The following HPSE2 variants were observed in gnomAD, a reference collection of about 807,000 sequenced individuals.
The protein encoded by HPSE2 is inactive heparanase-2.
In HPSE2, 38 loss-of-function variants were observed where a neutral mutation model predicts 60.5. The ratio of observed to expected loss-of-function variants is 0.63; its 90% CI spans 0.48 to 0.82. The LOEUF (loss-of-function observed/expected upper bound fraction) is 0.82. Among genes scored for constraint, HPSE2 ranks in the 40% least tolerant of loss-of-function variants. The probability of loss-of-function intolerance (pLI) is 0.00; values close to 1 mark genes in which losing one functional copy is unlikely to be tolerated. For missense variants in HPSE2, 713 were observed against 740.4 expected, an observed-to-expected ratio of 0.96 and a Z score of 0.43; for synonymous variants, 295 against 293.2, an observed-to-expected ratio of 1.01 and a Z score of -0.06.
chr10:98,598,150 T>C (rs1373597600), intron 9 of HPSE2, among the ~76,000 whole-genome samples: 1 of 152,158 alleles, frequency 6.6e-6, no homozygotes, highest in African/African-American at 2.4e-5. Context: ...TTTTATATGT[T>C]ACCTGTTGCC....
At chr10:98,937,567 T>C (rs1318600890) in intron 3 of HPSE2, among the ~76,000 whole-genome samples, 1 of 143,506 alleles carries the variant, frequency 7.0e-6, no homozygotes, top group East Asian at 2.0e-4. Context: ...CTTTCTTAGG[T>C]AAACAAAGCA....
intron 3 of HPSE2, among the ~76,000 whole-genome samples, chr10:98,962,344 T>C (rs1419195966): frequency 6.7e-6 from 1 of 149,292 alleles, no homozygotes. Context: ...AGTATGGCCA[T>C]TTTCACGATA....
chr10:98,615,308 C>G (rs750676706), intron 8 of HPSE2, among the ~76,000 whole-genome samples: 9 of 152,124 alleles, frequency 5.9e-5, no homozygotes, highest in Non-Finnish European at 1.2e-4. Context: ...ACTTTTTATT[C>G]CTGAAATACT....
intron 3 of HPSE2, among the ~76,000 whole-genome samples, chr10:99,100,440 G>C (rs1422502971): frequency 1.3e-5 from 2 of 152,070 alleles, no homozygotes; most frequent in Non-Finnish European, 2.9e-5. Context: ...GAAGTTTAGA[G>C]AAAAAAGAGT....
At position 98,803,706 on chromosome 10, in the gene HPSE2, G is replaced by A. The variant is rs1205516310; in HGVS notation, c.611-59650C>T. Among the ~76,000 whole-genome samples the A allele has an allele frequency of 5.4e-3, 809 of 150,884 alleles. 15 individuals carry two copies. The highest frequency in any genetic ancestry group is 0.019 in the African/African-American group (774 of 40,472). On this transcript the variant is annotated intron_variant, in intron 3 of 11. Transcript: ENST00000370552. ...ATCTCTGTTTTGGTACCAGTAGCAT[G>A]CTGTTTTGGTTACTGTAGCCTTGTA...
At chr10:99,172,460 C>T (rs577863963) in intron 2 of HPSE2, among the ~76,000 whole-genome samples, 1 of 152,170 alleles carries the variant, frequency 6.6e-6, no homozygotes, top group Non-Finnish European at 1.5e-5. Context: ...ACAATACGCC[C>T]TATATTGGAC....
chr10:99,267,983 G>A, the HPSE2 span, among the ~76,000 whole-genome samples: 9 of 152,164 alleles, frequency 5.9e-5, no homozygotes, highest in Middle Eastern at 3.4e-3. Context: ...AAAGATCATC[G>A]CCTAGGCACA....
At chr10:99,269,212 C>T in the HPSE2 span, among the ~76,000 whole-genome samples, 2 of 151,612 alleles carry the variant, frequency 1.3e-5, no homozygotes, top group Non-Finnish European at 2.9e-5. Context: ...AGAGACTCAC[C>T]TAACAACACA....
At chr10:99,019,716 GTT>G (rs527577817) in intron 3 of HPSE2, among the ~76,000 whole-genome samples, 1 of 144,778 alleles carries the variant, frequency 6.9e-6, no homozygotes. Flanking sequence ...GTTTTTTGTT[GTT>G]TTTTTTTTTG....
At chr10:98,958,630 A>C (rs891881622) in intron 3 of HPSE2, among the ~76,000 whole-genome samples, 1 of 152,110 alleles carries the variant, frequency 6.6e-6, no homozygotes, top group African/African-American at 2.4e-5. Context: ...CTTTAACTAA[A>C]GATTAAATTT....
At chr10:99,211,049 T>C (rs969671138) in intron 2 of HPSE2, among the ~76,000 whole-genome samples, 1 of 151,998 alleles carries the variant, frequency 6.6e-6, no homozygotes, top group African/African-American at 2.4e-5. Context: ...CAGAACTATA[T>C]ACAAATTCAG....
intron 2 of HPSE2, among the ~76,000 whole-genome samples, chr10:99,155,228 G>C (rs1199034925): frequency 1.2e-4 from 17 of 140,962 alleles, no homozygotes; most frequent in African/African-American, 2.1e-4. Context: ...CCCAGGAATT[G>C]AACTCAGCTC....
intron 3 of HPSE2, among the ~76,000 whole-genome samples, chr10:98,816,712 C>T (rs1457395890): frequency 6.6e-6 from 1 of 152,112 alleles, no homozygotes; most frequent in Non-Finnish European, 1.5e-5. Context: ...TGAACTGCCT[C>T]CATAAACAAC....
intron 2 of HPSE2, among the ~76,000 whole-genome samples, chr10:99,186,104 C>CCACACACACA (rs527839752): frequency 0.011 from 884 of 80,706 alleles, 15 homozygotes; most frequent in African/African-American, 0.016. Context: ...GGATAAATAA[C>CCACACACACA]CACACACACA....
rs1433225154 is a variant in HPSE2 at position 98,935,854 on chromosome 10, T to C, written c.611-191798A>G. Among the ~76,000 whole-genome samples, 5 of 144,814 alleles carry C rather than the reference T, an allele frequency of 3.5e-5. 1 individual carries two copies. Among genetic ancestry groups the C allele is most frequent in the African/African-American group, 1.4e-4 (5 of 36,064 alleles). On this transcript the variant is annotated intron_variant, in intron 3 of 11. Coordinates refer to ENST00000370552, the MANE Select transcript of HPSE2 (RefSeq NM_021828.5). ...CCCCCTCTTCGGAATCAGCCAATCT[T>C]TTCAGAGCCAAGAGGCAAGAAAGAT...
chr10:99,112,838 A>G (rs1188920182), intron 3 of HPSE2, among the ~76,000 whole-genome samples: 1 of 152,204 alleles, frequency 6.6e-6, no homozygotes, highest in East Asian at 1.9e-4. Context: ...CTTCTTCAGA[A>G]CTGTAACAGA....
At chr10:99,037,434 T>TC (rs1957635245) in intron 3 of HPSE2, among the ~76,000 whole-genome samples, 1 of 152,100 alleles carries the variant, frequency 6.6e-6, no homozygotes, top group African/African-American at 2.4e-5. Context: ...TCTTAGCAAC[T>TC]CTAAGTATAA....
chr10:98,993,717 T>C (rs750045625), intron 3 of HPSE2, among the ~76,000 whole-genome samples: 41 of 152,198 alleles, frequency 2.7e-4, no homozygotes, highest in Non-Finnish European at 5.0e-4. Flanking sequence ...TTTAATGGAT[T>C]GGTTACATTC....
At chr10:98,874,390 T>A (rs529254918) in intron 3 of HPSE2, among the ~76,000 whole-genome samples, 2 of 152,144 alleles carry the variant, frequency 1.3e-5, no homozygotes, top group African/African-American at 4.8e-5. Flanking sequence ...TGAATGGGAG[T>A]TCATTCATGA....
Sources: gnomAD v4.1 joint callset for allele counts (sites outside exome capture counted in the v4.1 genomes callset) on GRCh38, gnomAD v4.1.1 for gene constraint, MANE v1.5 for transcripts, NCBI Gene and HGNC (gene_info 2026-07-23, HGNC 2026-07-21) for gene names.